The following PDZRN3 variants were observed in gnomAD, a reference collection of about 807,000 sequenced individuals.
The protein encoded by PDZRN3 is PDZ domain containing ring finger 3.
In PDZRN3, 38 loss-of-function variants were observed where a neutral mutation model predicts 85.7. The observed-to-expected ratio is 0.44, with a 90% confidence interval of 0.34 to 0.58. The LOEUF (loss-of-function observed/expected upper bound fraction) is 0.58, where lower values mean the gene tolerates loss of function less well. Ranked by LOEUF, PDZRN3 falls within the 20% of genes least tolerant of loss-of-function variation. The pLI is 0.01. For synonymous variants in PDZRN3, 759 were observed against 638.0 expected (o/e 1.19, Z -2.86); for missense variants, 1,629 against 1,506.4 (o/e 1.08, Z -1.35).
At chr3:73,563,082 G>A (rs1254250518) in intron 3 of PDZRN3, among the ~76,000 whole-genome samples, 1 of 133,912 alleles carries the variant, frequency 7.5e-6, no homozygotes, top group South Asian at 2.5e-4. Flanking sequence ...GCTGTGGCAC[G>A]ATCTCTGCTC....
chr3:73,464,897 C>T (rs1329239295), intron 3 of PDZRN3, among the ~76,000 whole-genome samples: 2 of 152,006 alleles, frequency 1.3e-5, no homozygotes, highest in Admixed American at 6.6e-5. Context: ...ACTCTCTTAC[C>T]ACTTTTCAAG....
At chr3:73,406,027 A>C (rs1346989427) in intron 3 of PDZRN3, among the ~76,000 whole-genome samples, 3 of 152,222 alleles carry the variant, frequency 2.0e-5, no homozygotes, top group Non-Finnish European at 4.4e-5. Context: ...GAATCATGCC[A>C]GTGGAGGTTA....
chr3:73,438,079 G>T (rs1702564202), intron 3 of PDZRN3, among the ~76,000 whole-genome samples: 1 of 152,142 alleles, frequency 6.6e-6, no homozygotes, highest in African/African-American at 2.4e-5. Context: ...TGCCTAATAA[G>T]CTCACCAGAG....
intron 3 of PDZRN3, among the ~76,000 whole-genome samples, chr3:73,442,697 ATTT>A (rs56095919): frequency 1.4e-5 from 2 of 146,628 alleles, no homozygotes; most frequent in African/African-American, 5.0e-5. Flanking sequence ...AAATGTGTGG[ATTT>A]TTTTTTTTTT....
intron 3 of PDZRN3, among the ~76,000 whole-genome samples, chr3:73,432,053 A>G (rs1384948997): frequency 3.3e-5 from 5 of 152,248 alleles, no homozygotes; most frequent in Non-Finnish European, 5.9e-5. Flanking sequence ...TTTAAAAGGC[A>G]AATTTTAAAA....
chr3:73,543,755 G>A (rs1283193992), intron 3 of PDZRN3, among the ~76,000 whole-genome samples: 1 of 152,218 alleles, frequency 6.6e-6, no homozygotes, highest in Admixed American at 6.5e-5. Context: ...CTATTGCACA[G>A]AACATCTGAT....
chr3:73,584,731 A>G (rs1186062412), intron 3 of PDZRN3, among the ~76,000 whole-genome samples: 5 of 152,126 alleles, frequency 3.3e-5, no homozygotes, highest in Non-Finnish European at 2.9e-5. Flanking sequence ...TCTATAGTTA[A>G]TATGTTCATT....
intron 3 of PDZRN3, among the ~76,000 whole-genome samples, chr3:73,542,219 T>C (rs1468070500): frequency 2.0e-5 from 3 of 152,018 alleles, no homozygotes; most frequent in Admixed American, 1.3e-4. Context: ...AAAGCAAAAA[T>C]GAAATCAGCA....
At chr3:73,408,566 C>T (rs1011391007) in intron 3 of PDZRN3, among the ~76,000 whole-genome samples, 2 of 150,936 alleles carry the variant, frequency 1.3e-5, no homozygotes, top group Non-Finnish European at 2.9e-5. Context: ...ATTTTCAGCC[C>T]TCGAGTTGGG....
chr3:73,385,576 G>C, intron 9 of PDZRN3, 93 bp downstream of exon 9: 1 of 749,748 alleles, frequency 1.3e-6, no homozygotes, highest in Non-Finnish European at 2.3e-6. Context: ...ATGGACTTCT[G>C]ATGGTCTTTA....
intron 3 of PDZRN3, among the ~76,000 whole-genome samples, chr3:73,591,550 G>A (rs4676936): frequency 0.57 from 87,081 of 151,948 alleles, 25,751 homozygotes; most frequent in East Asian, 0.69. Context: ...TCATATAGCC[G>A]TCATCAAAGT....
chr3:73,409,147 T>C (rs973956871), intron 3 of PDZRN3, among the ~76,000 whole-genome samples: 14 of 152,186 alleles, frequency 9.2e-5, no homozygotes, highest in Admixed American at 2.6e-4. Context: ...GGTGCAATTA[T>C]GGCAAAAATC....
intron 3 of PDZRN3, among the ~76,000 whole-genome samples, chr3:73,539,254 A>G (rs1049479913): frequency 6.6e-6 from 1 of 152,164 alleles, no homozygotes; most frequent in Non-Finnish European, 1.5e-5. Context: ...CGAACCACAA[A>G]ATATTGTTGA....
At chr3:73,584,407 A>T (rs1202538659) in intron 3 of PDZRN3, among the ~76,000 whole-genome samples, 1 of 151,256 alleles carries the variant, frequency 6.6e-6, no homozygotes, top group Non-Finnish European at 1.5e-5. Context: ...TTGTCCAACT[A>T]AGTGGCTACA....
At position 73,484,255 on chromosome 3, in the gene PDZRN3, G is replaced by C. The variant is rs552473442; in HGVS notation, c.919-79860C>G. 3.9e-5 allele frequency among the ~76,000 whole-genome samples: 6 copies of C among 152,318 alleles called. 1 individual carries two copies. The highest frequency in any genetic ancestry group is 1.2e-4 in the African/African-American group (5 of 41,584). ...GAGAAAGAGAAAGTGCAAGAGTTTG[G>C]ATTCATATACCTTAGGTTTGAGGTA... On this transcript the variant is annotated intron_variant, in intron 3 of 9. Coordinates refer to ENST00000263666, the MANE Select transcript of PDZRN3 (RefSeq NM_015009.3).
chr3:73,586,924 C>T (rs1004284991), intron 3 of PDZRN3, among the ~76,000 whole-genome samples: 4 of 152,146 alleles, frequency 2.6e-5, no homozygotes, highest in Non-Finnish European at 5.9e-5. Context: ...ATGAACTTTG[C>T]CTCAAATAAG....
intron 3 of PDZRN3, among the ~76,000 whole-genome samples, chr3:73,467,936 G>C (rs1478526960): frequency 6.6e-6 from 1 of 152,112 alleles, no homozygotes; most frequent in Non-Finnish European, 1.5e-5. Flanking sequence ...AGGCTGCCAG[G>C]GTTAGAGGAA....
intron 3 of PDZRN3, among the ~76,000 whole-genome samples, chr3:73,452,714 T>C (rs1702888561): frequency 6.6e-6 from 1 of 152,212 alleles, no homozygotes; most frequent in Non-Finnish European, 1.5e-5. Context: ...TGGTTTTAAG[T>C]TGTGAGTTAC....
chr3:73,477,834 G>A (rs1385403555), intron 3 of PDZRN3, among the ~76,000 whole-genome samples: 2 of 152,126 alleles, frequency 1.3e-5, no homozygotes, highest in Admixed American at 6.5e-5. Context: ...TCACGATCAT[G>A]GCGGAAAGTG....
Sources: allele counts gnomAD v4.1 joint callset (sites outside exome capture counted in the v4.1 genomes callset), GRCh38; gene constraint gnomAD v4.1.1; transcripts MANE v1.5; gene names NCBI Gene and HGNC (gene_info 2026-07-23, HGNC 2026-07-21).